The following NFIB variants were observed in gnomAD, a reference collection of about 807,000 sequenced individuals.
The protein encoded by NFIB is nuclear factor 1 B-type.
A neutral mutation model predicts 61.5 loss-of-function variants in NFIB; 11 were observed. That is an observed-to-expected ratio of 0.18 (90% CI 0.11 to 0.30). The LOEUF (loss-of-function observed/expected upper bound fraction) is 0.30. NFIB is among the 10% of genes least tolerant of loss of function. The pLI is 1.00. For missense variants in NFIB, 471 were observed against 608.9 expected, an observed-to-expected ratio of 0.77 and a Z score of 2.38; for synonymous variants, 260 against 216.5, an observed-to-expected ratio of 1.20 and a Z score of -1.76.
chr9:14,175,163 ATTTCTTTTTTT>A lies in NFIB; in HGVS notation c.616+4553_616+4563del, dbSNP rs568532107. Among the ~76,000 whole-genome samples the A allele has an allele frequency of 2.1e-4, 21 of 102,162 alleles. 2 individuals carry two copies. In the South Asian group the frequency reaches 7.9e-3, roughly 38 times the overall value. 67.0% of individuals were successfully genotyped at this position (102,162 alleles called of 152,430 possible). A position where few individuals can be genotyped will look rare whatever the true frequency, so the allele number is the denominator to read the frequency against. Reference sequence around the variant, plus strand: ...TCTCAAAATTTTTATGACTTAAAGAATTTCTTTTTTTTTTTTTTTTTTTTGAGATGGAGTCT... The same window carrying A: ...TCTCAAAATTTTTATGACTTAAAGAATTTTTTTTTTTTTGAGATGGAGTCT... On this transcript the variant is annotated intron_variant, in intron 3 of 10. Transcript: ENST00000380953.
chr9:14,498,520 C>T, the NFIB span, among the ~76,000 whole-genome samples: 1 of 152,136 alleles, frequency 6.6e-6, no homozygotes, highest in Admixed American at 6.5e-5. Context: ...AGGACAAAAC[C>T]ACCTTGAGAT....
rs1463419509 is a variant in NFIB at position 14,180,136 on chromosome 9, TAAA to T, written c.563-359_563-357del. ...ATGAAATAAAGCAGATATATTCTCT[TAAA>T]AATGCAATCTAAGTGTAATTAAACG... On this transcript the variant is annotated intron_variant, in intron 2 of 10. Transcript: ENST00000380953. 3.9e-5 allele frequency among the ~76,000 whole-genome samples: 6 copies of T among 152,296 alleles called. No homozygotes were observed. In the East Asian group the frequency reaches 1.2e-3, roughly 29 times the overall value.
At position 14,313,578 on chromosome 9, in the gene NFIB, C is replaced by T. The variant is rs921967683; in HGVS notation, c.-67G>A. On this transcript the variant is annotated 5_prime_UTR_variant, in exon 1 of 11. Transcript: ENST00000380953. This position sits in a 1 kb window ranked among gnomAD's most constrained non-coding sequence, Gnocchi z 4.5. ...AATCTTCGAGAAGCAAGAATTTCATCTATTCATTTTACAGTCATCTGAGCC... is the reference window on the plus strand; with the variant it reads ...AATCTTCGAGAAGCAAGAATTTCATTTATTCATTTTACAGTCATCTGAGCC... 1.4e-5 allele frequency: 23 copies of T among 1,611,516 alleles called. No homozygotes were observed. The highest frequency in any genetic ancestry group is 1.9e-5 in the Non-Finnish European group (22 of 1,178,830).
intron 2 of NFIB, among the ~76,000 whole-genome samples, chr9:14,221,323 C>T (rs938094088): frequency 2.0e-5 from 3 of 152,156 alleles, no homozygotes; most frequent in Non-Finnish European, 2.9e-5. Context: ...GCTAGACATG[C>T]ATTATCTGAC....
chr9:14,218,846 CT>C (rs1377599722), intron 2 of NFIB, among the ~76,000 whole-genome samples: 1 of 152,178 alleles, frequency 6.6e-6, no homozygotes, highest in Non-Finnish European at 1.5e-5. Context: ...ATGTACCCTC[CT>C]TTTAACTTCT....
At chr9:14,453,479 G>C in the NFIB span, among the ~76,000 whole-genome samples, 3 of 152,218 alleles carry the variant, frequency 2.0e-5, no homozygotes, top group African/African-American at 7.2e-5. Context: ...CTTGAATGAA[G>C]CCAACTCATT....
At chr9:14,117,715 T>C (rs569146970) in intron 8 of NFIB, among the ~76,000 whole-genome samples, 13 of 152,162 alleles carry the variant, frequency 8.5e-5, no homozygotes, top group Non-Finnish European at 1.8e-4. Context: ...ATTTTAAGTA[T>C]TTAACTTGAT....
chr9:14,366,453 T>G (rs906845355), intron 1 of NFIB, among the ~76,000 whole-genome samples: 1 of 152,162 alleles, frequency 6.6e-6, no homozygotes, highest in Non-Finnish European at 1.5e-5. Flanking sequence ...CTTTCCTTTC[T>G]GTAACCTTCT....
rs77227774 is a variant in NFIB at position 14,241,239 on chromosome 9, A to C, written c.563-61459T>G. 5.5e-3 allele frequency among the ~76,000 whole-genome samples: 831 copies of C among 152,334 alleles called. 7 individuals carry two copies. Among genetic ancestry groups the C allele is most frequent in the African/African-American group, 0.019 (794 of 41,582 alleles). On this transcript the variant is annotated intron_variant, in intron 2 of 10. Coordinates refer to ENST00000380953, the MANE Select transcript of NFIB (RefSeq NM_001190737.2). ...TTATGTATGCATAACGGACCAGGCC[A>C]TTACCAAGGCTAAGTAAATACAAGA...
chr9:14,464,528 G>C, the NFIB span, among the ~76,000 whole-genome samples: 1 of 152,148 alleles, frequency 6.6e-6, no homozygotes, highest in Non-Finnish European at 1.5e-5. Flanking sequence ...GAAAAAGGGA[G>C]GGTGTTTCTC....
At chr9:14,184,630 A>G (rs1180032925) in intron 2 of NFIB, among the ~76,000 whole-genome samples, 1 of 152,222 alleles carries the variant, frequency 6.6e-6, no homozygotes, top group African/African-American at 2.4e-5. Flanking sequence ...CTTACTGAGC[A>G]CTAACTTTCT....
intron 1 of NFIB, among the ~76,000 whole-genome samples, chr9:14,384,522 C>A (rs983764556): frequency 6.6e-6 from 1 of 152,152 alleles, no homozygotes; most frequent in African/African-American, 2.4e-5. Context: ...CTGATCCTTG[C>A]TACTTCCTCC....
At chr9:14,205,916 G>T (rs538483518) in intron 2 of NFIB, among the ~76,000 whole-genome samples, 4 of 146,916 alleles carry the variant, frequency 2.7e-5, no homozygotes, top group African/African-American at 1.1e-4. Flanking sequence ...CTATTCTCCA[G>T]TAGTCACCTG....
the NFIB span, among the ~76,000 whole-genome samples, chr9:14,474,636 T>A: frequency 6.6e-6 from 1 of 152,230 alleles, no homozygotes; most frequent in East Asian, 1.9e-4. Context: ...TGATTCATTC[T>A]GAGGCCAAAT....
chr9:14,194,224 G>C (rs933580000), intron 2 of NFIB, among the ~76,000 whole-genome samples: 2 of 152,114 alleles, frequency 1.3e-5, no homozygotes, highest in African/African-American at 4.8e-5. Flanking sequence ...GACATAAAGT[G>C]GCCATGAAGT....
the NFIB span, among the ~76,000 whole-genome samples, chr9:14,486,924 A>G: frequency 2.0e-5 from 3 of 152,238 alleles, no homozygotes; most frequent in African/African-American, 7.2e-5. Context: ...ATGGACTTAC[A>G]TAGGGGATGA....
chr9:14,494,939 T>C, the NFIB span, among the ~76,000 whole-genome samples: 1 of 152,370 alleles, frequency 6.6e-6, no homozygotes, highest in African/African-American at 2.4e-5. Flanking sequence ...TCTTGTGCTT[T>C]AGTTTTCTGT....
intron 6 of NFIB, among the ~76,000 whole-genome samples, chr9:14,141,098 A>G (rs1015465958): frequency 2.0e-5 from 3 of 152,182 alleles, no homozygotes; most frequent in East Asian, 1.9e-4. Flanking sequence ...TTAATACTAT[A>G]TCCTTATAGA....
At chr9:14,108,548 A>T (rs1461635023) in intron 10 of NFIB, among the ~76,000 whole-genome samples, 1 of 152,128 alleles carries the variant, frequency 6.6e-6, no homozygotes, top group Non-Finnish European at 1.5e-5. Context: ...AATATACACT[A>T]GACCAGTAAT....
Sources: gnomAD v4.1 joint callset for allele counts (sites outside exome capture counted in the v4.1 genomes callset) on GRCh38, gnomAD v4.1.1 for gene constraint, Gnocchi (gnomAD v3.1) non-coding constraint, MANE v1.5 for transcripts, NCBI Gene and HGNC (gene_info 2026-07-23, HGNC 2026-07-21) for gene names.